The following PFKP variants were observed in gnomAD, a reference collection of about 807,000 sequenced individuals.
The protein encoded by PFKP is phosphofructokinase, platelet, also known as ATP-dependent 6-phosphofructokinase, platelet type.
In PFKP, 101 loss-of-function variants were observed where a neutral mutation model predicts 94.3. That is an observed-to-expected ratio of 1.07 (90% CI 0.91 to 1.26). The LOEUF is 1.26. PFKP is among the 50% of genes most tolerant of loss of function. PFKP has a pLI of 0.00. For synonymous variants in PFKP, 573 were observed against 432.6 expected (o/e 1.32, Z -4.03); for missense variants, 1,145 against 1,103.3 (o/e 1.04, Z -0.53).
intron 2 of PFKP, among the ~76,000 whole-genome samples, chr10:3,093,805 G>A (rs923365305): frequency 9.2e-5 from 14 of 151,954 alleles, no homozygotes; most frequent in African/African-American, 3.1e-4. Context: ...CACCACACCC[G>A]GCTAATTTTT....
chr10:3,127,223 G>A (rs1400772600), intron 16 of PFKP, among the ~76,000 whole-genome samples: 1 of 152,228 alleles, frequency 6.6e-6, no homozygotes, highest in Non-Finnish European at 1.5e-5. Flanking sequence ...GGCCTCTTCC[G>A]TACCAGCTGT....
Position 3,129,944 on chromosome 10 carries a change from A to G in PFKP, c.1809A>G (p.Ala603=), listed in dbSNP as rs762195494. The G allele has an allele frequency of 6.2e-7, 1 of 1,603,478 alleles. No homozygotes were observed. Among genetic ancestry groups the G allele is most frequent in the African/African-American group, 1.3e-5 (1 of 74,748 alleles). Residue 603 remains alanine (A), a synonymous_variant, in exon 17 of 22, where the codon GCA becomes GCG. Coordinates refer to ENST00000381125, the MANE Select transcript of PFKP (RefSeq NM_002627.5). ...GGCTCGCGGCCGGAGCTGATGCCGCATACATTTTCGAAGAGCCCTTCGACA... is the reference window on the plus strand; with the variant it reads ...GGCTCGCGGCCGGAGCTGATGCCGCGTACATTTTCGAAGAGCCCTTCGACA... The part of the protein sequence containing the change: ...MGGLAAGADA[A]YIFEEPFDIR...
intron 10 of PFKP, among the ~76,000 whole-genome samples, chr10:3,110,185 T>C (rs1836034779): frequency 1.3e-5 from 2 of 151,668 alleles, no homozygotes; most frequent in Non-Finnish European, 2.9e-5. Context: ...TTAGCTGCAT[T>C]TGAAGTTATT....
rs773770938 is a variant in PFKP at position 3,103,924 on chromosome 10, C to T, written c.600C>T (p.Ala200=). ...ACAGGATCATCGAGGTCGTCGACGC[C>T]ATCATGACCACGGCCCAGAGGTAAA... is the stretch of plus-strand genomic sequence containing the variant. ...ALHRIIEVVD[A]IMTTAQSHQR... Residue 200 remains alanine (A), a synonymous_variant, in exon 5 of 22, where the codon GCC becomes GCT. Coordinates refer to ENST00000381125, the MANE Select transcript of PFKP (RefSeq NM_002627.5). 2 of 1,613,680 alleles carry T rather than the reference C, an allele frequency of 1.2e-6. No individual in the cohort carries two copies. Among genetic ancestry groups the T allele is most frequent in the East Asian group, 2.2e-5 (1 of 44,864 alleles).
At chr10:3,099,832 A>G (rs998633327) in intron 3 of PFKP, among the ~76,000 whole-genome samples, 3 of 151,794 alleles carry the variant, frequency 2.0e-5, no homozygotes, top group African/African-American at 7.3e-5. Context: ...GCGTATGTGT[A>G]TCAGTGAGTC....
intron 19 of PFKP, among the ~76,000 whole-genome samples, chr10:3,134,220 G>A (rs911076507): frequency 6.6e-6 from 1 of 152,168 alleles, no homozygotes; most frequent in African/African-American, 2.4e-5. Flanking sequence ...ATGAAATCCT[G>A]ATTTAAGATT....
At chr10:3,089,863 C>CCCTG (rs2131469984) in intron 2 of PFKP, among the ~76,000 whole-genome samples, 1 of 151,986 alleles carries the variant, frequency 6.6e-6, no homozygotes, top group South Asian at 2.1e-4. Flanking sequence ...TTCTTTACAC[C>CCCTG]CCTGCTTCCT....
rs932444535 is a variant in PFKP at position 3,105,319 on chromosome 10, T to C, written c.666-74T>C. The C allele has an allele frequency of 1.5e-5, 21 of 1,374,986 alleles. 1 individual carries two copies. Among genetic ancestry groups the C allele is most frequent in the South Asian group, 4.6e-5 (4 of 86,180 alleles). 85.2% of individuals were successfully genotyped at this position (1,374,986 alleles called of 1,614,324 possible). A position where few individuals can be genotyped will look rare whatever the true frequency, so the allele number is the denominator to read the frequency against. Reference sequence around the variant, plus strand: ...GGCGTTAGGTCTGCACGTCTGTCGCTGAGCGGGGTGCCTGGGCTGCCCTCG... The same window carrying C: ...GGCGTTAGGTCTGCACGTCTGTCGCCGAGCGGGGTGCCTGGGCTGCCCTCG... On this transcript the variant is annotated intron_variant, in intron 6 of 21. Transcript: ENST00000381125.
chr10:3,113,629 C>G (rs1038833993), intron 13 of PFKP, 111 bp downstream of exon 13: 3 of 928,698 alleles, frequency 3.2e-6, no homozygotes, highest in Non-Finnish European at 4.7e-6. Flanking sequence ...TGCCTCAGTC[C>G]GGGATCCTGT....
chr10:3,102,477 G>A (rs923311992), intron 4 of PFKP, among the ~76,000 whole-genome samples: 10 of 151,680 alleles, frequency 6.6e-5, no homozygotes, highest in African/African-American at 1.5e-4. Flanking sequence ...GCAGTGGCAC[G>A]ATCTCGGCTC....
At chr10:3,116,145 T>C (rs772877955) in intron 13 of PFKP, among the ~76,000 whole-genome samples, 4 of 152,112 alleles carry the variant, frequency 2.6e-5, no homozygotes, top group Non-Finnish European at 5.9e-5. Flanking sequence ...TATATATATA[T>C]ATACATACAC....
At chr10:3,114,212 T>C (rs4306207) in intron 13 of PFKP, among the ~76,000 whole-genome samples, 133,432 of 151,354 alleles carry the variant, frequency 0.88, 59,387 homozygotes, top group East Asian at 0.99. Flanking sequence ...TGCAATGGCG[T>C]GATCTTGGCC....
At chr10:3,111,668 G>C (rs574925453) in intron 10 of PFKP, among the ~76,000 whole-genome samples, 1 of 152,210 alleles carries the variant, frequency 6.6e-6, no homozygotes, top group East Asian at 1.9e-4. Flanking sequence ...TTGAAGTTCA[G>C]AGCGAGAAAG....
At position 3,134,530 on chromosome 10, in the gene PFKP, T is replaced by C. The variant is rs1292402655; in HGVS notation, c.2070T>C (p.Ser690=). 6 of 1,613,970 alleles carry C rather than the reference T, an allele frequency of 3.7e-6. No individual in the cohort carries two copies. Among genetic ancestry groups the C allele is most frequent in the Non-Finnish European group, 5.1e-6 (6 of 1,179,960 alleles). Residue 690 remains serine (S), a synonymous_variant, in exon 20 of 22, where the codon TCT becomes TCC. Coordinates refer to ENST00000381125, the MANE Select transcript of PFKP (RefSeq NM_002627.5). Reference sequence around the variant, plus strand: ...ATAGAAACTTTGGAACCAAAATCTCTGCCAGAGCTATGGAGTGGATCACTG... The same window carrying C: ...ATAGAAACTTTGGAACCAAAATCTCCGCCAGAGCTATGGAGTGGATCACTG... ...PFDRNFGTKI[S]ARAMEWITAK...
chr10:3,119,796 G>A (rs1018842117), intron 15 of PFKP, 96 bp from the exon 16 acceptor site: 28 of 1,054,674 alleles, frequency 2.7e-5, no homozygotes, highest in East Asian at 2.2e-4. Flanking sequence ...TGCTCCCTGC[G>A]TGCTGTGGTG....
chr10:3,073,093 C>T (rs1364022143), intron 1 of PFKP, among the ~76,000 whole-genome samples: 2 of 152,024 alleles, frequency 1.3e-5, no homozygotes, highest in Non-Finnish European at 2.9e-5. Flanking sequence ...AGTCATTGTG[C>T]TTGTCAGGAT....
Position 3,099,264 on chromosome 10 carries a change from T to A in PFKP, c.187-11T>A, listed in dbSNP as rs773185110. The A allele has an allele frequency of 3.1e-6, 5 of 1,605,124 alleles. No individual in the cohort carries two copies. Among genetic ancestry groups the A allele is most frequent in the Non-Finnish European group, 4.3e-6 (5 of 1,172,048 alleles). ...ATCTCATTTTTAAAAGATTCTCCCTTTCTCCCCTAGGGCTACCAGGGCATG... is the reference window on the plus strand; with the variant it reads ...ATCTCATTTTTAAAAGATTCTCCCTATCTCCCCTAGGGCTACCAGGGCATG... On this transcript the variant is annotated splice_polypyrimidine_tract_variant and intron_variant, in intron 2 of 21. Coordinates refer to ENST00000381125, the MANE Select transcript of PFKP (RefSeq NM_002627.5).
At chr10:3,132,540 T>G in intron 18 of PFKP, 99 bp downstream of exon 18, 1 of 853,166 alleles carries the variant, frequency 1.2e-6, no homozygotes, top group South Asian at 1.4e-5. Context: ...GTCATTTCTT[T>G]GCCGCTAGAG....
At chr10:3,119,474 AGGTG>A (rs1181696286) in intron 15 of PFKP, among the ~76,000 whole-genome samples, 1 of 151,810 alleles carries the variant, frequency 6.6e-6, no homozygotes, top group East Asian at 1.9e-4. Context: ...GTGTGGTGGC[AGGTG>A]CCTGTAGTCC....
Sources: allele counts gnomAD v4.1 joint callset (sites outside exome capture counted in the v4.1 genomes callset), GRCh38; gene constraint gnomAD v4.1.1; transcripts MANE v1.5; gene names NCBI Gene and HGNC (gene_info 2026-07-23, HGNC 2026-07-21).